Variants in RPGRIP1 observed in about 807,000 individuals in gnomAD.
RPGRIP1 encodes RPGR interacting protein 1, also known as X-linked retinitis pigmentosa GTPase regulator-interacting protein 1.
A neutral mutation model predicts 157.9 loss-of-function variants in RPGRIP1; 128 were observed. The observed-to-expected ratio is 0.81, with a 90% CI of 0.70 to 0.94. The LOEUF (loss-of-function observed/expected upper bound fraction) is 0.94. Ranked by LOEUF, RPGRIP1 falls within the 40% of genes least tolerant of loss-of-function variation. The pLI, the probability that RPGRIP1 is intolerant of heterozygous loss-of-function variation, is 0.00. For missense variants in RPGRIP1, 1,486 were observed against 1,545.8 expected (o/e 0.96, Z 0.65); for synonymous variants, 554 against 571.6 (o/e 0.97, Z 0.44).
chr14:21,298,504 C>T (rs75429967), intron 3 of RPGRIP1, among the ~76,000 whole-genome samples: 4 of 151,862 alleles, frequency 2.6e-5, no homozygotes, highest in African/African-American at 9.7e-5. Context: ...GGTCTCAAAA[C>T]GAAAACAAAA....
Position 21,312,470 on chromosome 14 carries a change from A to C in RPGRIP1, c.1115A>C (p.Lys372Thr). Residue 372 changes from lysine (K) to threonine (T), a missense_variant, in exon 10 of 25, where the codon AAA (lysine) becomes ACA (threonine). Lys to Thr is a moderately conservative substitution (Grantham distance 78). Transcript: ENST00000400017. ...GTTGAAGATTTGGAAAAAGAACGAA[A>C]ATTGCTGAATGACAATTATGACAAA... ...ERVEDLEKER[K>T]LLNDNYDKLL... The C allele has an allele frequency of 6.2e-7, 1 of 1,612,110 alleles. No individual in the cohort carries two copies. Among genetic ancestry groups the C allele is most frequent in the Non-Finnish European group, 8.5e-7 (1 of 1,178,836 alleles).
chr14:21,280,401 T>C (rs1880085220), intron 1 of RPGRIP1, among the ~76,000 whole-genome samples: 1 of 151,932 alleles, frequency 6.6e-6, no homozygotes, highest in Admixed American at 6.6e-5. Flanking sequence ...TGCGCCACCA[T>C]TGCCCGGCTA....
Position 21,290,994 on chromosome 14 carries a change from C to G in RPGRIP1, c.85+2933C>G, listed in dbSNP as rs562568438. On this transcript the variant is annotated intron_variant, in intron 2 of 24. Coordinates refer to ENST00000400017, the MANE Select transcript of RPGRIP1 (RefSeq NM_020366.4). ...CCAGCCTGGGTGACAGAGCGAGACT[C>G]CATCTCAAAAAAAAAAAAAAAAGGA... 6.8e-4 allele frequency among the ~76,000 whole-genome samples: 98 copies of G among 145,088 alleles called. No homozygotes were observed. In the South Asian group the frequency reaches 1.0e-2, roughly 15 times the overall value.
Position 21,301,013 on chromosome 14 carries a change from G to A in RPGRIP1, c.266G>A (p.Arg89Gln), listed in dbSNP as rs530125171. The A allele has an allele frequency of 1.6e-5, 25 of 1,612,656 alleles. No individual in the cohort carries two copies. The East Asian group carries it at 5.1e-4, about 33-fold the overall frequency. Residue 89 changes from arginine (R) to glutamine (Q), a missense_variant, in exon 4 of 25, where the codon CGG (arginine) becomes CAG (glutamine). By Grantham distance (43) the Arg-to-Gln change is conservative. Transcript: ENST00000400017. The stretch of plus-strand genomic sequence containing the variant: ...TTGACCGCTGCTGGCCGGGACCTGC[G>A]GGTCGCGGAGGAGGCGGCGCCGCTC... ...LRLTAAGRDL[R>Q]VAEEAAPLSE...
At chr14:21,288,944 G>A (rs1880410443) in intron 2 of RPGRIP1, among the ~76,000 whole-genome samples, 1 of 152,152 alleles carries the variant, frequency 6.6e-6, no homozygotes, top group South Asian at 2.1e-4. Context: ...CTTGTGATTA[G>A]CCCTTAGCCC....
rs1390252628 is a variant in RPGRIP1 at position 21,328,500 on chromosome 14, A to G, written c.2972A>G (p.Glu991Gly). The G allele has an allele frequency of 1.2e-6, 2 of 1,613,750 alleles. No individual in the cohort carries two copies. The highest frequency in any genetic ancestry group is 1.7e-6 in the Non-Finnish European group (2 of 1,179,794). The stretch of plus-strand genomic sequence containing the variant: ...AAGAGAAAACCTCCTCATGGGGGAG[A>G]AAGAAAGGAGAAGGAGCACCAGGTT... ...RSKRKPPHGG[E>G]RKEKEHQVVS... The change falls in exon 19 of 25, where the codon GAA becomes GGA. Residue 991 changes from glutamate (E) to glycine (G), a missense_variant. By Grantham distance (98) the Glu-to-Gly change is moderately conservative. Transcript: ENST00000400017.
intron 13 of RPGRIP1, 48 bp from the exon 14 acceptor site, chr14:21,321,806 G>A (rs1423368230): frequency 6.3e-7 from 1 of 1,579,508 alleles, no homozygotes; most frequent in Non-Finnish European, 8.6e-7. Context: ...TATGCTCTTT[G>A]GTTTTAGGCC....
At chr14:21,339,009 G>A (rs764765267) in intron 21 of RPGRIP1, among the ~76,000 whole-genome samples, 23 of 152,106 alleles carry the variant, frequency 1.5e-4, no homozygotes, top group Non-Finnish European at 2.9e-4. Context: ...GATGACGGGT[G>A]CCTGTAATCC....
At chr14:21,294,234 T>G (rs1389068498) in intron 2 of RPGRIP1, among the ~76,000 whole-genome samples, 1 of 37,816 alleles carries the variant, frequency 2.6e-5, no homozygotes, top group African/African-American at 7.6e-5. Context: ...TCTGTTTTTG[T>G]TTTTTTTTTT....
In RPGRIP1 at chr14:21,296,906, T is replaced by C. The variant is rs186808402; in HGVS notation, c.218+2097T>C. Among the ~76,000 whole-genome samples, 86 of 150,540 alleles carry C rather than the reference T, an allele frequency of 5.7e-4. 1 individual carries two copies. The East Asian group carries it at 0.013, about 23-fold the overall frequency. On this transcript the variant is annotated intron_variant, in intron 3 of 24. Transcript: ENST00000400017. ...GGCAGAGGTTGCAGTGAGCCGAAAT[T>C]GTGCCATTGCACTCCAGCCTGGGCG...
At chr14:21,299,244 C>T (rs965551030) in intron 3 of RPGRIP1, among the ~76,000 whole-genome samples, 5 of 151,946 alleles carry the variant, frequency 3.3e-5, no homozygotes, top group African/African-American at 7.2e-5. Context: ...TCAGGTGATC[C>T]GCCCACCTCA....
At chr14:21,306,694 T>G (rs1307789603) in intron 6 of RPGRIP1, among the ~76,000 whole-genome samples, 2 of 151,628 alleles carry the variant, frequency 1.3e-5, no homozygotes, top group Non-Finnish European at 1.5e-5. Context: ...CTTGACCTCG[T>G]GATCCACCCG....
intron 22 of RPGRIP1, 115 bp downstream of exon 22, chr14:21,343,343 T>G (rs1885213423): frequency 1.3e-6 from 1 of 797,690 alleles, no homozygotes. Context: ...TTTATTATTT[T>G]ATTGTTCAAA....
At chr14:21,342,732 T>C (rs1307415123) in intron 21 of RPGRIP1, among the ~76,000 whole-genome samples, 1 of 152,118 alleles carries the variant, frequency 6.6e-6, no homozygotes, top group Non-Finnish European at 1.5e-5. Context: ...CAGACATTTT[T>C]TTTTATTCTT....
intron 6 of RPGRIP1, among the ~76,000 whole-genome samples, chr14:21,305,902 C>T (rs1881279201): frequency 6.6e-6 from 1 of 151,842 alleles, no homozygotes; most frequent in African/African-American, 2.4e-5. Flanking sequence ...CATAACAGAT[C>T]CCTGGGCCCC....
chr14:21,288,575 C>T (rs1257742587), intron 2 of RPGRIP1, among the ~76,000 whole-genome samples: 1 of 151,246 alleles, frequency 6.6e-6, no homozygotes, highest in Non-Finnish European at 1.5e-5. Flanking sequence ...AGTGCAGTGG[C>T]CCAATCTTGG....
chr14:21,339,488 GC>G (rs1339480672), intron 21 of RPGRIP1, among the ~76,000 whole-genome samples: 1 of 152,038 alleles, frequency 6.6e-6, no homozygotes, highest in African/African-American at 2.4e-5. Context: ...ACAGGAAGGT[GC>G]TATGTAATGT....
intron 1 of RPGRIP1, among the ~76,000 whole-genome samples, chr14:21,287,147 C>T (rs892282788): frequency 7.9e-5 from 12 of 152,090 alleles, no homozygotes; most frequent in Middle Eastern, 3.4e-3. Context: ...CCTGTAATCC[C>T]AACACTTTGG....
intron 24 of RPGRIP1, among the ~76,000 whole-genome samples, chr14:21,349,019 TAA>T (rs891238851): frequency 6.6e-6 from 1 of 151,298 alleles, no homozygotes; most frequent in African/African-American, 2.4e-5. Context: ...CACTGGTCAT[TAA>T]GTCTTATCCA....
Sources: gnomAD v4.1 joint callset for allele counts (sites outside exome capture counted in the v4.1 genomes callset) on GRCh38, gnomAD v4.1.1 for gene constraint, MANE v1.5 for transcripts, NCBI Gene and HGNC (gene_info 2026-07-23, HGNC 2026-07-21) for gene names.